Variants in NFIL3 observed in about 807,000 individuals in gnomAD.
NFIL3 encodes nuclear factor, interleukin 3 regulated.
In NFIL3, 5 loss-of-function variants were observed where a neutral mutation model predicts 10.0. The ratio of observed to expected loss-of-function variants is 0.50; its 90% CI spans 0.26 to 1.06. NFIL3 has a LOEUF of 1.06. Ranked by LOEUF, NFIL3 falls within the 50% of genes least tolerant of loss-of-function variation. NFIL3 has a pLI of 0.13. For missense variants in NFIL3, 436 were observed against 547.6 expected, an observed-to-expected ratio of 0.80 and a Z score of 2.03; for synonymous variants, 202 against 206.5, an observed-to-expected ratio of 0.98 and a Z score of 0.19.
the NFIL3 span, among the ~76,000 whole-genome samples, chr9:91,454,995 A>G: frequency 6.6e-6 from 1 of 152,226 alleles, no homozygotes; most frequent in Non-Finnish European, 1.5e-5. Flanking sequence ...TGGTGAACAC[A>G]GTCTGCATGC....
At chr9:91,429,679 G>T in the NFIL3 span, among the ~76,000 whole-genome samples, 1 of 152,162 alleles carries the variant, frequency 6.6e-6, no homozygotes, top group Non-Finnish European at 1.5e-5. Flanking sequence ...TTTCAGAAGT[G>T]CTCAAGATTC....
chr9:91,449,230 ACTATAC>A, the NFIL3 span, among the ~76,000 whole-genome samples: 1 of 152,184 alleles, frequency 6.6e-6, no homozygotes, highest in Admixed American at 6.5e-5. Context: ...CTAAAACTTA[ACTATAC>A]AATGTTGCAC....
chr9:91,476,624 T>C, the NFIL3 span, among the ~76,000 whole-genome samples: 4,594 of 151,936 alleles, frequency 0.03, 97 homozygotes, highest in East Asian at 0.093. Flanking sequence ...GCAAAGTGTT[T>C]CAACCTTTGG....
the NFIL3 span, among the ~76,000 whole-genome samples, chr9:91,480,143 T>TA: frequency 2.5e-4 from 29 of 115,898 alleles, no homozygotes; most frequent in South Asian, 1.3e-3. Context: ...CATAATCTAA[T>TA]ATTTTTTTTT....
the NFIL3 span, among the ~76,000 whole-genome samples, chr9:91,449,459 T>A: frequency 5.3e-5 from 8 of 152,292 alleles, no homozygotes; most frequent in South Asian, 1.7e-3. Flanking sequence ...TACATTTTGG[T>A]AATTATGTGG....
chr9:91,414,286 C>T (rs761546153), intron 1 of NFIL3, among the ~76,000 whole-genome samples: 8 of 152,348 alleles, frequency 5.3e-5, no homozygotes, highest in Non-Finnish European at 1.2e-4. Flanking sequence ...TCACCGCAAC[C>T]TCTGCCTACA....
chr9:91,411,378 A>G (rs1833545174), intron 1 of NFIL3, among the ~76,000 whole-genome samples: 1 of 152,228 alleles, frequency 6.6e-6, no homozygotes, highest in African/African-American at 2.4e-5. Flanking sequence ...CTTAAAAGGG[A>G]CTTTACCAAG....
chr9:91,442,724 T>A, the NFIL3 span, among the ~76,000 whole-genome samples: 1 of 152,148 alleles, frequency 6.6e-6, no homozygotes, highest in African/African-American at 2.4e-5. Context: ...TGCCCACATC[T>A]GGACGAGAGG....
At chr9:91,431,284 A>G in the NFIL3 span, among the ~76,000 whole-genome samples, 1 of 151,622 alleles carries the variant, frequency 6.6e-6, no homozygotes, top group South Asian at 2.1e-4. Flanking sequence ...TGGACTCTAG[A>G]GCTGGGTGGC....
At chr9:91,474,045 A>G in the NFIL3 span, among the ~76,000 whole-genome samples, 17 of 151,130 alleles carry the variant, frequency 1.1e-4, no homozygotes, top group African/African-American at 4.1e-4. Context: ...GAAAGCATCC[A>G]GTTTCTCACC....
chr9:91,429,987 A>G, the NFIL3 span, among the ~76,000 whole-genome samples: 1 of 152,110 alleles, frequency 6.6e-6, no homozygotes. Flanking sequence ...TAATTATAGT[A>G]TCAATCTCAA....
chr9:91,432,538 G>A, the NFIL3 span, among the ~76,000 whole-genome samples: 3 of 152,282 alleles, frequency 2.0e-5, no homozygotes, highest in East Asian at 1.9e-4. Context: ...TGTCCCTCAC[G>A]AAAAGTAGCA....
the NFIL3 span, among the ~76,000 whole-genome samples, chr9:91,457,501 T>C: frequency 1.5e-4 from 23 of 152,142 alleles, no homozygotes; most frequent in African/African-American, 5.5e-4. Context: ...TTATAAACAG[T>C]GTTTAAAGTT....
chr9:91,462,605 A>C, the NFIL3 span, among the ~76,000 whole-genome samples: 1,132 of 152,142 alleles, frequency 7.4e-3, 36 homozygotes, highest in East Asian at 0.093. Context: ...TTAATGCTTT[A>C]TTAAGAAGTT....
Position 91,410,921 on chromosome 9 carries a change from TA to T in NFIL3, c.-172-16del, listed in dbSNP as rs149592441. The T allele has an allele frequency of 0.02, 9,386 of 463,228 alleles. 612 individuals carry two copies. Among genetic ancestry groups the T allele is most frequent in the African/African-American group, 0.16 (7,754 of 48,914 alleles). The allele number at this position is 463,228 out of a possible 1,614,324, so 28.7% of individuals were successfully genotyped here. ...TCCTTCGTTATCTGCAATACATGAA[TA>T]AAAAAAAAACCAGTTATTCACTGGA... On this transcript the variant is annotated splice_polypyrimidine_tract_variant and intron_variant, in intron 1 of 1. Transcript: ENST00000297689. The surrounding 1 kb of genome is among the most constrained non-coding windows in gnomAD (Gnocchi z 5.7).
the NFIL3 span, among the ~76,000 whole-genome samples, chr9:91,482,666 T>G: frequency 1.3e-5 from 2 of 152,116 alleles, no homozygotes; most frequent in East Asian, 1.9e-4. Context: ...CACGCCCGAC[T>G]AATTTTTGTA....
the NFIL3 span, among the ~76,000 whole-genome samples, chr9:91,470,496 A>G: frequency 6.6e-6 from 1 of 151,334 alleles, no homozygotes; most frequent in Non-Finnish European, 1.5e-5. Flanking sequence ...GATTTTTTGA[A>G]GGGTTTTTTA....
intron 1 of NFIL3, among the ~76,000 whole-genome samples, chr9:91,418,559 T>C (rs1053608305): frequency 1.3e-5 from 2 of 152,232 alleles, no homozygotes; most frequent in African/African-American, 4.8e-5. Flanking sequence ...AGTCAGTGGA[T>C]GATTATAAAT....
chr9:91,456,022 A>G, the NFIL3 span, among the ~76,000 whole-genome samples: 1 of 152,208 alleles, frequency 6.6e-6, no homozygotes, highest in African/African-American at 2.4e-5. Context: ...AATTTCATGT[A>G]AGGGAAACCA....
Sources: gnomAD v4.1 joint callset for allele counts (sites outside exome capture counted in the v4.1 genomes callset) on GRCh38, gnomAD v4.1.1 for gene constraint, Gnocchi (gnomAD v3.1) non-coding constraint, MANE v1.5 for transcripts, NCBI Gene and HGNC (gene_info 2026-07-23, HGNC 2026-07-21) for gene names.